PANX1: variants seen among roughly 807,000 people sequenced by gnomAD.
PANX1 encodes the protein pannexin 1, also known as pannexin-1.
A neutral mutation model predicts 38.7 loss-of-function variants in PANX1; 30 were observed. The observed-to-expected ratio is 0.78, with a 90% CI of 0.58 to 1.05. PANX1 has a LOEUF of 1.05. Ranked by LOEUF, PANX1 falls within the 50% of genes least tolerant of loss-of-function variation. PANX1 has a pLI of 0.00. For synonymous variants in PANX1, 230 were observed against 212.2 expected (o/e 1.08, Z -0.73); for missense variants, 551 against 517.2 (o/e 1.07, Z -0.63).
rs1014079350 is a variant in PANX1, at chr11:94,171,193, T to C, written c.322-7176T>C. On this transcript the variant is annotated intron_variant, in intron 2 of 4. Coordinates refer to ENST00000227638, the MANE Select transcript of PANX1 (RefSeq NM_015368.4). ...GTCTCTGTCTCATCTGCAAGAACTT[T>C]TACCTCCTTTCCATTTCCATCTCCA... is the stretch of plus-strand genomic sequence containing the variant. Among the ~76,000 whole-genome samples, 7 of 151,432 alleles carry C rather than the reference T, an allele frequency of 4.6e-5. 1 individual carries two copies. Among genetic ancestry groups the C allele is most frequent in the African/African-American group, 1.7e-4 (7 of 40,796 alleles).
At position 94,134,876 on chromosome 11, in the gene PANX1, CTG is replaced by C. The variant is rs1432216756; in HGVS notation, c.181+5385_181+5386del. ...AACTTCCCAGGCTGTGAGAAAATAACTGTTGTTTAAGCCACCCAGTCTGTGGG... is the reference window on the plus strand; with the variant it reads ...AACTTCCCAGGCTGTGAGAAAATAACTTGTTTAAGCCACCCAGTCTGTGGG... On this transcript the variant is annotated intron_variant, in intron 1 of 4. Coordinates refer to ENST00000227638, the MANE Select transcript of PANX1 (RefSeq NM_015368.4). Among the ~76,000 whole-genome samples, 4 of 152,314 alleles carry C rather than the reference CTG, an allele frequency of 2.6e-5. No individual in the cohort carries two copies. In the East Asian group the frequency reaches 5.8e-4, roughly 22 times the overall value.
At chr11:94,169,797 G>C (rs1320640693) in intron 2 of PANX1, among the ~76,000 whole-genome samples, 1 of 151,558 alleles carries the variant, frequency 6.6e-6, no homozygotes, top group Non-Finnish European at 1.5e-5. Context: ...GCATGGCCCT[G>C]CTAGCACCTT....
At chr11:94,159,576 T>C (rs1408063186) in intron 2 of PANX1, among the ~76,000 whole-genome samples, 2 of 152,180 alleles carry the variant, frequency 1.3e-5, no homozygotes, top group Non-Finnish European at 2.9e-5. Flanking sequence ...AGTGGTGATA[T>C]CCCCTTTATC....
At chr11:94,130,403 G>C (rs566320417) in intron 1 of PANX1, among the ~76,000 whole-genome samples, 19 of 152,358 alleles carry the variant, frequency 1.2e-4, no homozygotes, top group Admixed American at 8.5e-4. Context: ...GAGAGACACA[G>C]TGACTCTCCT....
rs914975277 is a variant in PANX1 at position 94,175,664 on chromosome 11, CTG to C, written c.322-2701_322-2700del. 25 of 805,214 alleles carry C rather than the reference CTG, an allele frequency of 3.1e-5. 1 individual carries two copies. The African/African-American group carries it at 4.8e-4, about 15-fold the overall frequency. 49.9% of individuals were successfully genotyped at this position (805,214 alleles called of 1,614,324 possible). ...CGTGGTTATGGAAGCAGCAGAAACT[CTG>C]TGTCATGCACTTATGTTTTTAAACT... On this transcript the variant is annotated intron_variant, in intron 2 of 4. Coordinates refer to ENST00000227638, the MANE Select transcript of PANX1 (RefSeq NM_015368.4).
At position 94,180,262 on chromosome 11, in the gene PANX1, G is replaced by A; in HGVS notation, c.1201+5G>A. On this transcript the variant is annotated splice_donor_5th_base_variant and intron_variant, in intron 4 of 4. Transcript: ENST00000227638. ...ACCAGACGGCAGAGCTCCAAGGTAGGGTTTGCTTTTGGCAGAGGCTACGGG... is the reference window on the plus strand; with the variant it reads ...ACCAGACGGCAGAGCTCCAAGGTAGAGTTTGCTTTTGGCAGAGGCTACGGG... 6.3e-7 allele frequency: 1 copy of A among 1,592,824 alleles called. No homozygotes were observed. Among genetic ancestry groups the A allele is most frequent in the South Asian group, 1.1e-5 (1 of 88,674 alleles).
intron 1 of PANX1, among the ~76,000 whole-genome samples, chr11:94,148,941 A>G (rs1489915329): frequency 6.6e-6 from 1 of 152,080 alleles, no homozygotes; most frequent in Non-Finnish European, 1.5e-5. Context: ...TCTTGTGTTT[A>G]AAAGGTAGAG....
intron 1 of PANX1, among the ~76,000 whole-genome samples, chr11:94,144,604 G>T (rs1011283060): frequency 2.0e-5 from 3 of 152,188 alleles, no homozygotes; most frequent in African/African-American, 7.2e-5. Flanking sequence ...CCTAGAGCTC[G>T]GGACCAGGTT....
At position 94,178,690 on chromosome 11, in the gene PANX1, C is replaced by T. The variant is rs2282655; in HGVS notation, c.545+98C>T. On this transcript the variant is annotated intron_variant, in intron 3 of 4. Coordinates refer to ENST00000227638, the MANE Select transcript of PANX1 (RefSeq NM_015368.4). ...GCCCAGAGTTCTCATTGCTAGGAGG[C>T]GGGGCAGGAGTGGAAGCAGGGGGAC... 77,961 of 910,384 alleles carry T rather than the reference C, an allele frequency of 0.086. 3,785 individuals are homozygous for T. Among genetic ancestry groups the T allele is most frequent in the East Asian group, 0.17 (6,354 of 38,404 alleles). 56.4% of individuals were successfully genotyped at this position (910,384 alleles called of 1,614,324 possible).
chr11:94,131,217 T>A (rs949426351), intron 1 of PANX1, among the ~76,000 whole-genome samples: 1 of 152,184 alleles, frequency 6.6e-6, no homozygotes, highest in Admixed American at 6.5e-5. Context: ...AGGAAGGAGT[T>A]AGTCACCCTC....
intron 1 of PANX1, among the ~76,000 whole-genome samples, chr11:94,149,848 A>G (rs1946865836): frequency 6.6e-6 from 1 of 152,200 alleles, no homozygotes; most frequent in Non-Finnish European, 1.5e-5. Flanking sequence ...TATTTATGAT[A>G]GTACTTTGAA....
chr11:94,129,825 CCT>C lies in PANX1; in HGVS notation c.181+333_181+334del, dbSNP rs143255167. Among the ~76,000 whole-genome samples, 466 of 152,300 alleles carry C rather than the reference CCT, an allele frequency of 3.1e-3. 2 individuals are homozygous for C. Among genetic ancestry groups the C allele is most frequent in the Non-Finnish European group, 5.0e-3 (339 of 68,022 alleles). On this transcript the variant is annotated intron_variant, in intron 1 of 4. Coordinates refer to ENST00000227638, the MANE Select transcript of PANX1 (RefSeq NM_015368.4). ...AATAGCTGTGTCCCCGTTTTTCACC[CCT>C]GTCTCCTACATATTTGTCCAGCCGC...
At chr11:94,174,458 T>C (rs1335662580) in intron 2 of PANX1, among the ~76,000 whole-genome samples, 1 of 151,680 alleles carries the variant, frequency 6.6e-6, no homozygotes, top group Non-Finnish European at 1.5e-5. Context: ...CTTTGTTTTA[T>C]TTTATTGCCG....
chr11:94,174,781 G>A (rs1009388851), intron 2 of PANX1, among the ~76,000 whole-genome samples: 1 of 151,724 alleles, frequency 6.6e-6, no homozygotes, highest in Non-Finnish European at 1.5e-5. Context: ...TGTTCAGTCC[G>A]AATTGGATGG....
chr11:94,155,799 A>AGTG (rs1216542036), intron 2 of PANX1, among the ~76,000 whole-genome samples: 1 of 152,132 alleles, frequency 6.6e-6, no homozygotes, highest in Admixed American at 6.5e-5. Flanking sequence ...GGTGCCCTAT[A>AGTG]GTGACTCTTT....
chr11:94,129,725 C>G (rs1946604266), intron 1 of PANX1, among the ~76,000 whole-genome samples: 2 of 152,190 alleles, frequency 1.3e-5, no homozygotes, highest in Admixed American at 1.3e-4. Context: ...GTTCCTCATG[C>G]CCCTCTGATC....
intron 2 of PANX1, 46 bp downstream of exon 2, chr11:94,153,676 AG>A: frequency 1.3e-6 from 2 of 1,568,330 alleles, no homozygotes; most frequent in Non-Finnish European, 1.7e-6. Context: ...TTTATAGATA[AG>A]GAAACTAAAG....
chr11:94,130,328 A>T (rs1321119325), intron 1 of PANX1, among the ~76,000 whole-genome samples: 3 of 152,162 alleles, frequency 2.0e-5, no homozygotes, highest in Admixed American at 2.0e-4. Context: ...TGGGATTTGG[A>T]CAAGAAGGAG....
rs572039883 is a variant in PANX1 at position 94,167,333 on chromosome 11, T to A, written c.322-11036T>A. On this transcript the variant is annotated intron_variant, in intron 2 of 4. Transcript: ENST00000227638. ...CCAGGTACAGTGATTGCTCCTCTGA[T>A]TTTTTAGTTCTTAGGAGGGTGCTTT... 1.4e-3 allele frequency among the ~76,000 whole-genome samples: 209 copies of A among 152,304 alleles called. 1 individual carries two copies. Among genetic ancestry groups the A allele is most frequent in the African/African-American group, 4.9e-3 (202 of 41,568 alleles).
Sources: gnomAD v4.1 joint callset for allele counts (sites outside exome capture counted in the v4.1 genomes callset) on GRCh38, gnomAD v4.1.1 for gene constraint, MANE v1.5 for transcripts, NCBI Gene and HGNC (gene_info 2026-07-23, HGNC 2026-07-21) for gene names.